NTRK2: variants seen among roughly 807,000 people sequenced by gnomAD.
NTRK2 encodes BDNF/NT-3 growth factors receptor.
NTRK2 carries 13 observed loss-of-function variants against 94.5 expected under a neutral mutation model. The ratio of observed to expected loss-of-function variants is 0.14; its 90% CI spans 0.09 to 0.22. The LOEUF is 0.22. NTRK2 is among the 10% of genes least tolerant of loss of function. The pLI is 1.00. For synonymous variants in NTRK2, 372 were observed against 407.4 expected, an observed-to-expected ratio of 0.91 and a Z score of 1.05; for missense variants, 639 against 1,071.2, an observed-to-expected ratio of 0.60 and a Z score of 5.63.
intron 12 of NTRK2, among the ~76,000 whole-genome samples, chr9:84,763,824 C>T (rs12235397): frequency 0.042 from 6,354 of 150,670 alleles, 198 homozygotes; most frequent in South Asian, 0.1. Flanking sequence ...AAAGTTCATG[C>T]GTTGCATTTT....
At chr9:84,964,366 C>A (rs1219792600) in intron 17 of NTRK2, among the ~76,000 whole-genome samples, 1 of 152,218 alleles carries the variant, frequency 6.6e-6, no homozygotes, top group Non-Finnish European at 1.5e-5. Flanking sequence ...CCCCATGAAT[C>A]CGGAGGTCCT....
At chr9:84,690,558 C>A (rs1187355) in intron 2 of NTRK2, among the ~76,000 whole-genome samples, 87,581 of 150,920 alleles carry the variant, frequency 0.58, 25,523 homozygotes, top group East Asian at 0.65. Flanking sequence ...CAAAAAAAAA[C>A]ATTAGCTGGG....
At chr9:84,979,326 C>A (rs1356838459) in intron 17 of NTRK2, among the ~76,000 whole-genome samples, 10 of 152,290 alleles carry the variant, frequency 6.6e-5, no homozygotes, top group Admixed American at 6.5e-4. Flanking sequence ...AAGTTGATTT[C>A]AACCCTTGTA....
At chr9:84,734,407 T>C (rs1359134104) in intron 9 of NTRK2, among the ~76,000 whole-genome samples, 1 of 152,230 alleles carries the variant, frequency 6.6e-6, no homozygotes, top group African/African-American at 2.4e-5. Flanking sequence ...AGACTAACTC[T>C]GCCCTTCCTT....
intron 12 of NTRK2, among the ~76,000 whole-genome samples, chr9:84,855,380 T>C (rs771272963): frequency 6.6e-6 from 1 of 152,188 alleles, no homozygotes; most frequent in East Asian, 1.9e-4. Context: ...ACAGAGGACA[T>C]ACATGTTTAT....
At chr9:84,722,028 T>A (rs755969629) in intron 6 of NTRK2, among the ~76,000 whole-genome samples, 1 of 152,144 alleles carries the variant, frequency 6.6e-6, no homozygotes, top group East Asian at 1.9e-4. Context: ...AGAAAACACA[T>A]TGAGAAAAAC....
intron 6 of NTRK2, among the ~76,000 whole-genome samples, chr9:84,717,434 C>G (rs1407325290): frequency 6.6e-6 from 1 of 152,198 alleles, no homozygotes; most frequent in Non-Finnish European, 1.5e-5. Context: ...TCAATTTGGT[C>G]AACTCTCAAG....
intron 14 of NTRK2, among the ~76,000 whole-genome samples, chr9:84,881,749 T>A (rs1467245837): frequency 6.6e-6 from 1 of 152,224 alleles, no homozygotes; most frequent in Non-Finnish European, 1.5e-5. Flanking sequence ...GCTATGCCCA[T>A]TGCCATGTCT....
At position 84,882,081 on chromosome 9, in the gene NTRK2, G is replaced by A. The variant is rs138447212; in HGVS notation, c.1633+14650G>A. Among the ~76,000 whole-genome samples the A allele has an allele frequency of 3.4e-3, 523 of 152,282 alleles. 1 individual carries two copies. The highest frequency in any genetic ancestry group is 0.034 in the Middle Eastern group (10 of 294). ...GAACATACAACTACTAGGCAGGAGAGCTAGGAGTTGAACCTAGATACCCAA... is the reference window on the plus strand; with the variant it reads ...GAACATACAACTACTAGGCAGGAGAACTAGGAGTTGAACCTAGATACCCAA... On this transcript the variant is annotated intron_variant, in intron 14 of 18. Coordinates refer to ENST00000277120, the MANE Select transcript of NTRK2 (RefSeq NM_006180.6).
intron 9 of NTRK2, among the ~76,000 whole-genome samples, chr9:84,730,772 TA>T (rs2062812742): frequency 9.3e-5 from 1 of 10,768 alleles, no homozygotes; most frequent in Non-Finnish European, 1.5e-4. Context: ...TAAAGAAAAA[TA>T]AACAAATAGC....
At chr9:84,982,241 G>T (rs1245604768) in intron 17 of NTRK2, among the ~76,000 whole-genome samples, 1 of 152,172 alleles carries the variant, frequency 6.6e-6, no homozygotes, top group African/African-American at 2.4e-5. Context: ...CACCCACAAG[G>T]GTACATGTCA....
At chr9:84,883,427 C>T (rs995880092) in intron 14 of NTRK2, among the ~76,000 whole-genome samples, 8 of 152,228 alleles carry the variant, frequency 5.3e-5, no homozygotes, top group South Asian at 2.1e-4. Context: ...TTCACTCATG[C>T]GGGTTTAGGG....
In NTRK2 at chr9:85,022,683, C is replaced by G; in HGVS notation, c.*1246C>G. ...GTGCAGACACTACTGCTCCAGACGT[C>G]GTTTCCCTGATAGGTAGAGCAGATC... On this transcript the variant is annotated 3_prime_UTR_variant, in exon 19 of 19. Transcript: ENST00000277120. The G allele has an allele frequency of 4.3e-6, 1 of 233,188 alleles. No individual in the cohort carries two copies. Among genetic ancestry groups the G allele is most frequent in the Non-Finnish European group, 8.5e-6 (1 of 118,034 alleles). 14.4% of individuals were successfully genotyped at this position (233,188 alleles called of 1,614,324 possible).
At chr9:84,873,322 A>C in intron 14 of NTRK2, 1 of 1,059,084 alleles carries the variant, frequency 9.4e-7, no homozygotes, top group Non-Finnish European at 1.1e-6. Flanking sequence ...CTTTAAAAAT[A>C]AGCTAAGTCC....
chr9:84,742,728 A>G (rs1010140713), intron 10 of NTRK2, among the ~76,000 whole-genome samples: 5 of 149,134 alleles, frequency 3.4e-5, no homozygotes, highest in East Asian at 2.0e-4. Context: ...TAACCCCTTG[A>G]AAAAAAAAAT....
At chr9:84,793,494 C>T (rs1394410249) in intron 12 of NTRK2, among the ~76,000 whole-genome samples, 2 of 152,170 alleles carry the variant, frequency 1.3e-5, no homozygotes, top group Non-Finnish European at 2.9e-5. Flanking sequence ...TGAGTGTGGC[C>T]ACCTGGAATC....
intron 17 of NTRK2, among the ~76,000 whole-genome samples, chr9:84,974,005 C>G (rs560879537): frequency 1.3e-5 from 2 of 152,230 alleles, no homozygotes; most frequent in Non-Finnish European, 2.9e-5. Context: ...TCAGAAGATG[C>G]ATTTTATCTG....
At chr9:84,695,503 G>C (rs1232568635) in intron 2 of NTRK2, among the ~76,000 whole-genome samples, 1 of 152,126 alleles carries the variant, frequency 6.6e-6, no homozygotes, top group Non-Finnish European at 1.5e-5. Context: ...CAAAAAGCCA[G>C]CTATAAGCTT....
chr9:84,676,228 A>C (rs1158623181), intron 2 of NTRK2, among the ~76,000 whole-genome samples: 1 of 152,146 alleles, frequency 6.6e-6, no homozygotes, highest in Non-Finnish European at 1.5e-5. Context: ...CAAGTTTCTC[A>C]AGGCTCTGAA....
Sources: gnomAD v4.1 joint callset for allele counts (sites outside exome capture counted in the v4.1 genomes callset) on GRCh38, gnomAD v4.1.1 for gene constraint, MANE v1.5 for transcripts, NCBI Gene and HGNC (gene_info 2026-07-23, HGNC 2026-07-21) for gene names.